Variants in CTXN3 observed in about 807,000 individuals in gnomAD.
CTXN3 encodes the protein cortexin 3, also known as cortexin-3.
CTXN3 carries 4 observed loss-of-function variants against 5.0 expected under a neutral mutation model. The ratio of observed to expected loss-of-function variants is 0.79; its 90% CI spans 0.39 to 1.82. The LOEUF (loss-of-function observed/expected upper bound fraction) is 1.82. CTXN3 is among the 40% of genes most tolerant of loss of function. CTXN3 has a pLI of 0.04. For synonymous variants in CTXN3, 48 were observed against 38.6 expected (o/e 1.24, Z -0.91); for missense variants, 89 against 99.7 (o/e 0.89, Z 0.46).
At position 127,657,686 on chromosome 5, in the gene CTXN3, A is replaced by G. The variant is rs201631910; in HGVS notation, c.165A>G (p.Pro55=). ...GGTGCTTCCGGATTCTTTTGGATCCATATCGAAGCATGCCAACCTCTACCT... is the reference window on the plus strand; with the variant it reads ...GGTGCTTCCGGATTCTTTTGGATCCGTATCGAAGCATGCCAACCTCTACCT... ...IVRCFRILLD[P]YRSMPTSTWA... is the part of the protein sequence containing the mutation. The change falls in exon 3 of 3, where the codon CCA becomes CCG. Residue 55 remains proline (P), a synonymous_variant. Transcript: ENST00000379445. 2.0e-5 allele frequency: 33 copies of G among 1,614,214 alleles called. No homozygotes were observed. In the East Asian group the frequency reaches 6.5e-4, roughly 32 times the overall value.
intron 1 of CTXN3, among the ~76,000 whole-genome samples, chr5:127,650,655 C>A (rs938536555): frequency 3.9e-5 from 6 of 152,110 alleles, no homozygotes; most frequent in African/African-American, 1.4e-4. Context: ...GTGTGTATAT[C>A]CTGAATGCAA....
rs1749959901 is a variant in CTXN3 at position 127,658,170 on chromosome 5, T to C, written c.*403T>C. 5.0e-6 allele frequency: 1 copy of C among 201,550 alleles called. No individual in the cohort carries two copies. The highest frequency in any genetic ancestry group is 5.4e-5 in the Admixed American group (1 of 18,358). 12.5% of individuals were successfully genotyped at this position (201,550 alleles called of 1,614,324 possible). A position where few individuals can be genotyped will look rare whatever the true frequency, so the allele number is the denominator to read the frequency against. ...AAGAGATTTCCTTGCTCTAATTATG[T>C]CTATATTTGTTTTATTTCATGGGCA... On this transcript the variant is annotated 3_prime_UTR_variant, in exon 3 of 3. Transcript: ENST00000379445.
At position 127,658,028 on chromosome 5, in the gene CTXN3, G is replaced by A. The variant is rs1160257132; in HGVS notation, c.*261G>A. Reference sequence around the variant, plus strand: ...TGAGTACTCTTAAAATTGTGTGATTGTGAAACCAAGAGCGTTAATACTGAC... The same window carrying A: ...TGAGTACTCTTAAAATTGTGTGATTATGAAACCAAGAGCGTTAATACTGAC... On this transcript the variant is annotated 3_prime_UTR_variant, in exon 3 of 3. Coordinates refer to ENST00000379445, the MANE Select transcript of CTXN3 (RefSeq NM_001048252.3). 3 of 443,116 alleles carry A rather than the reference G, an allele frequency of 6.8e-6. No individual in the cohort carries two copies. The highest frequency in any genetic ancestry group is 8.5e-6 in the Non-Finnish European group (2 of 235,256). 27.4% of individuals were successfully genotyped at this position (443,116 alleles called of 1,614,324 possible).
intron 2 of CTXN3, among the ~76,000 whole-genome samples, chr5:127,655,137 C>T (rs1054877039): frequency 3.3e-5 from 5 of 152,030 alleles, no homozygotes; most frequent in Non-Finnish European, 5.9e-5. Flanking sequence ...GTGGTGCATG[C>T]CTGTAATCCC....
chr5:127,657,347 A>G, intron 2 of CTXN3, 76 bp from the exon 3 acceptor site: 1 of 642,142 alleles, frequency 1.6e-6, no homozygotes, highest in South Asian at 2.1e-5. Context: ...TTTCTCTCTG[A>G]AAAATATGAC....
intron 2 of CTXN3, among the ~76,000 whole-genome samples, chr5:127,654,568 A>G (rs1321251644): frequency 6.6e-6 from 1 of 152,206 alleles, no homozygotes. Flanking sequence ...AATTTCTGGA[A>G]TGGTTGCCTA....
chr5:127,658,129 T>C lies in CTXN3; in HGVS notation c.*362T>C, dbSNP rs952429282. ...GACTAGAAAGGATCTCATATGAATC[T>C]GGTGACAAGGCCAGGAAGAGATTTC... is the stretch of plus-strand genomic sequence containing the variant. On this transcript the variant is annotated 3_prime_UTR_variant, in exon 3 of 3. Transcript: ENST00000379445. 1.2e-5 allele frequency: 3 copies of C among 242,394 alleles called. No individual in the cohort carries two copies. Among genetic ancestry groups the C allele is most frequent in the Admixed American group, 1.0e-4 (2 of 19,152 alleles). The allele number at this position is 242,394 out of a possible 1,614,324, so 15.0% of individuals were successfully genotyped here.
intron 2 of CTXN3, among the ~76,000 whole-genome samples, chr5:127,655,077 A>G (rs1561421507): frequency 1.3e-5 from 2 of 151,990 alleles, no homozygotes; most frequent in Admixed American, 1.3e-4. Context: ...CAGCCTGACC[A>G]ACATGGAGAA....
rs1749968984 is a variant in CTXN3, at chr5:127,658,538, GTTAA to G, written c.*774_*777del. ...GCTTAAAGTTTTTTTTCAATGAAAA[GTTAA>G]TTGTTTAGAGGAGAAGACTTTTATA... On this transcript the variant is annotated 3_prime_UTR_variant, in exon 3 of 3. Transcript: ENST00000379445. The G allele has an allele frequency of 6.0e-6, 1 of 167,022 alleles. No homozygotes were observed. Among genetic ancestry groups the G allele is most frequent in the African/African-American group, 2.4e-5 (1 of 41,430 alleles). The allele number at this position is 167,022 out of a possible 1,614,324, so 10.3% of individuals were successfully genotyped here. A position where few individuals can be genotyped will look rare whatever the true frequency, so the allele number is the denominator to read the frequency against.
chr5:127,653,664 A>G (rs141598141), intron 2 of CTXN3: 19 of 152,330 alleles, frequency 1.2e-4, no homozygotes, highest in Non-Finnish European at 2.5e-4. Flanking sequence ...GTCTTGAGAT[A>G]TTTTTGTATT....
intron 1 of CTXN3, among the ~76,000 whole-genome samples, chr5:127,649,858 G>T (rs551200527): frequency 1.3e-5 from 2 of 152,162 alleles, no homozygotes; most frequent in East Asian, 3.9e-4. Flanking sequence ...ATCCTTTTGA[G>T]ATATCAGCAA....
intron 2 of CTXN3, among the ~76,000 whole-genome samples, chr5:127,655,957 A>G (rs1419734868): frequency 1.3e-5 from 2 of 152,178 alleles, no homozygotes; most frequent in Non-Finnish European, 2.9e-5. Flanking sequence ...TAATTTTACA[A>G]ACTTTGAAGT....
At position 127,657,551 on chromosome 5, in the gene CTXN3, C is replaced by T. The variant is rs1185577797; in HGVS notation, c.30C>T (p.Ser10=). ...ATGGAGGACAGCCCATCCCCTCATCCCTAGTGCCCCTTGGGAACGAATCAG... is the reference window on the plus strand; with the variant it reads ...ATGGAGGACAGCCCATCCCCTCATCTCTAGTGCCCCTTGGGAACGAATCAG... MDGGQPIPS[S]LVPLGNESAD... Residue 10 remains serine, a synonymous_variant, in exon 3 of 3, where the codon TCC becomes TCT. Transcript: ENST00000379445. 6.2e-7 allele frequency: 1 copy of T among 1,613,910 alleles called. No individual in the cohort carries two copies. Among genetic ancestry groups the T allele is most frequent in the Non-Finnish European group, 8.5e-7 (1 of 1,179,934 alleles).
chr5:127,654,362 G>A (rs557224460), intron 2 of CTXN3, among the ~76,000 whole-genome samples: 3 of 152,204 alleles, frequency 2.0e-5, no homozygotes, highest in African/African-American at 4.8e-5. Context: ...TCAATGCAAA[G>A]AGGGTTAACC....
At chr5:127,655,352 C>G (rs1449450031) in intron 2 of CTXN3, among the ~76,000 whole-genome samples, 2 of 152,036 alleles carry the variant, frequency 1.3e-5, no homozygotes, top group Admixed American at 6.6e-5. Context: ...CTCATTTGGG[C>G]TGGATGGAAA....
chr5:127,656,226 A>T (rs1427113509), intron 2 of CTXN3, among the ~76,000 whole-genome samples: 1 of 152,204 alleles, frequency 6.6e-6, no homozygotes, highest in Non-Finnish European at 1.5e-5. Context: ...TCTAATGTAT[A>T]TACTTTTATT....
intron 2 of CTXN3, among the ~76,000 whole-genome samples, chr5:127,654,583 T>C (rs544379088): frequency 6.6e-6 from 1 of 152,348 alleles, no homozygotes; most frequent in East Asian, 1.9e-4. Flanking sequence ...TGCCTACCAC[T>C]GCAGCCCCCA....
chr5:127,654,313 A>G (rs1749856491), intron 2 of CTXN3, among the ~76,000 whole-genome samples: 1 of 152,210 alleles, frequency 6.6e-6, no homozygotes, highest in African/African-American at 2.4e-5. Context: ...GGTGATGAAG[A>G]CATTGGAGTA....
intron 1 of CTXN3, among the ~76,000 whole-genome samples, chr5:127,650,414 C>T (rs894433908): frequency 5.3e-5 from 8 of 152,120 alleles, no homozygotes; most frequent in South Asian, 2.1e-4. Flanking sequence ...TTACCCTTAG[C>T]CCCCCTTTGA....
Sources: allele counts gnomAD v4.1 joint callset (sites outside exome capture counted in the v4.1 genomes callset), GRCh38; gene constraint gnomAD v4.1.1; transcripts MANE v1.5; gene names NCBI Gene and HGNC (gene_info 2026-07-23, HGNC 2026-07-21).